USP28: variants seen among roughly 807,000 people sequenced by gnomAD.
The protein encoded by USP28 is ubiquitin specific peptidase 28, also known as ubiquitin carboxyl-terminal hydrolase 28.
USP28 carries 113 observed loss-of-function variants against 145.0 expected under a neutral mutation model. That is an observed-to-expected ratio of 0.78 (90% CI 0.67 to 0.91). The LOEUF is 0.91. Among genes scored for constraint, USP28 ranks in the 40% least tolerant of loss-of-function variants. USP28 has a pLI of 0.00. For synonymous variants in USP28, 447 were observed against 450.9 expected (o/e 0.99, Z 0.11); for missense variants, 1,201 against 1,289.6 (o/e 0.93, Z 1.05).
intron 1 of USP28, among the ~76,000 whole-genome samples, chr11:113,869,777 G>T (rs965063804): frequency 6.6e-6 from 1 of 152,144 alleles, no homozygotes; most frequent in Admixed American, 6.5e-5. Context: ...TAAGTATGAA[G>T]CAAACGTTTA....
intron 1 of USP28, among the ~76,000 whole-genome samples, chr11:113,860,545 C>T (rs528528205): frequency 6.6e-6 from 1 of 152,182 alleles, no homozygotes; most frequent in African/African-American, 2.4e-5. Flanking sequence ...GGTGCAGTGG[C>T]TCATGTCTGT....
chr11:113,848,487 T>C (rs1324846040), intron 3 of USP28, among the ~76,000 whole-genome samples: 2 of 152,082 alleles, frequency 1.3e-5, no homozygotes, highest in Admixed American at 1.3e-4. Flanking sequence ...GGGGTCAGGG[T>C]GTGGAGTAGA....
At chr11:113,858,403 C>T (rs921499324) in intron 1 of USP28, among the ~76,000 whole-genome samples, 4 of 152,114 alleles carry the variant, frequency 2.6e-5, no homozygotes, top group Non-Finnish European at 5.9e-5. Flanking sequence ...GTAATACCAC[C>T]TACATTATTA....
intron 12 of USP28, chr11:113,818,070 C>A (rs1942022433): frequency 9.5e-6 from 4 of 421,828 alleles, no homozygotes; most frequent in Non-Finnish European, 1.2e-5. Flanking sequence ...TTCAAATAGG[C>A]TCCTAATCAA....
chr11:113,837,513 T>C (rs1944702448), intron 5 of USP28, among the ~76,000 whole-genome samples: 1 of 152,224 alleles, frequency 6.6e-6, no homozygotes, highest in African/African-American at 2.4e-5. Flanking sequence ...GACCATTACA[T>C]GTCTTCTTTG....
intron 11 of USP28, among the ~76,000 whole-genome samples, chr11:113,826,671 G>C (rs1293044852): frequency 4.6e-5 from 7 of 151,914 alleles, no homozygotes; most frequent in African/African-American, 1.7e-4. Flanking sequence ...TGTAATACCA[G>C]CACTTTGGGA....
exon 25 of USP28, chr11:113,799,311 A>T (rs772234324): frequency 1.2e-6 from 2 of 1,614,214 alleles, no homozygotes; most frequent in South Asian, 2.2e-5. Context: ...CATAGGTCAT[A>T]GGGAGAATTG....
chr11:113,864,753 T>C (rs903886000), intron 1 of USP28, among the ~76,000 whole-genome samples: 2 of 152,182 alleles, frequency 1.3e-5, no homozygotes, highest in African/African-American at 2.4e-5. Context: ...GTTAATCTTA[T>C]CCAGAATCAC....
intron 12 of USP28, among the ~76,000 whole-genome samples, chr11:113,818,491 GC>G (rs549768333): frequency 7.8e-4 from 118 of 152,224 alleles, no homozygotes; most frequent in Non-Finnish European, 1.3e-3. Context: ...CAGGTTTGCT[GC>G]ATTTTAATAC....
chr11:113,799,006 C>A, exon 25 of USP28: 1 of 357,780 alleles, frequency 2.8e-6, no homozygotes, highest in South Asian at 6.0e-5. Flanking sequence ...TGGCGTAATT[C>A]AACACCTTAA....
At chr11:113,825,950 G>C (rs1943235844) in intron 11 of USP28, among the ~76,000 whole-genome samples, 1 of 152,048 alleles carries the variant, frequency 6.6e-6, no homozygotes, top group Non-Finnish European at 1.5e-5. Context: ...GAACTCACTG[G>C]TTATATGCCT....
chr11:113,808,633 G>C (rs932902248), intron 17 of USP28, among the ~76,000 whole-genome samples, 196 bp from the exon 18 acceptor site: 2 of 152,164 alleles, frequency 1.3e-5, no homozygotes, highest in African/African-American at 4.8e-5. Flanking sequence ...TATTGATAAA[G>C]TCTGTAAACT....
intron 12 of USP28, among the ~76,000 whole-genome samples, chr11:113,823,153 T>C (rs529075448): frequency 4.6e-5 from 7 of 152,350 alleles, no homozygotes; most frequent in African/African-American, 7.2e-5. Flanking sequence ...GAAAGAACTT[T>C]GTATGCATCA....
intron 19 of USP28, among the ~76,000 whole-genome samples, 179 bp downstream of exon 20, chr11:113,806,310 T>C (rs940730385): frequency 1.3e-5 from 2 of 152,000 alleles, no homozygotes; most frequent in South Asian, 4.2e-4. Flanking sequence ...TCACAGTACA[T>C]TTCAGCCTCC....
At chr11:113,874,449 A>AAGT in intron 1 of USP28, 5 of 856,398 alleles carry the variant, frequency 5.8e-6, no homozygotes, top group African/African-American at 1.8e-5. Flanking sequence ...AAAAAAAAAA[A>AAGT]GTGTCTCCAT....
chr11:113,864,104 G>A (rs1277146260), intron 1 of USP28, among the ~76,000 whole-genome samples: 1 of 151,914 alleles, frequency 6.6e-6, no homozygotes, highest in African/African-American at 2.4e-5. Context: ...AGCCAGGCAT[G>A]GTGGCATGTG....
At chr11:113,819,029 G>C (rs1459135268) in intron 12 of USP28, among the ~76,000 whole-genome samples, 1 of 151,702 alleles carries the variant, frequency 6.6e-6, no homozygotes, top group Non-Finnish European at 1.5e-5. Flanking sequence ...TTAAAAAAAA[G>C]ATGTCTATAC....
In USP28 at chr11:113,844,683, C is replaced by T. The variant is rs531338593; in HGVS notation, c.269-2915G>A. On this transcript the variant is annotated intron_variant, in intron 3 of 24. Transcript: ENST00000003302. ...AACATCACTAATCATCAGAAAAATG[C>T]AAATCAAAACCACAATGAGATATAA... Among the ~76,000 whole-genome samples the T allele has an allele frequency of 4.6e-5, 7 of 152,134 alleles. No homozygotes were observed. The South Asian group carries it at 1.5e-3, about 32-fold the overall frequency.
chr11:113,807,175 C>G (rs575161384), intron 18 of USP28, among the ~76,000 whole-genome samples: 1 of 151,910 alleles, frequency 6.6e-6, no homozygotes, highest in Admixed American at 6.6e-5. Context: ...CGGGTTCAAG[C>G]GGTTCTCCTG....
Sources: gnomAD v4.1 joint callset for allele counts (sites outside exome capture counted in the v4.1 genomes callset) on GRCh38, gnomAD v4.1.1 for gene constraint, MANE v1.5 for transcripts, NCBI Gene and HGNC (gene_info 2026-07-23, HGNC 2026-07-21) for gene names.